The following NRXN3 variants were observed in gnomAD, a reference collection of about 807,000 sequenced individuals.
NRXN3 encodes the protein neurexin 3, also known as neurexin III.
A neutral mutation model predicts 137.6 loss-of-function variants in NRXN3; 32 were observed. The ratio of observed to expected loss-of-function variants is 0.23; its 90% CI spans 0.18 to 0.31. NRXN3 has a LOEUF of 0.31. NRXN3 is among the 10% of genes least tolerant of loss of function. NRXN3 has a pLI of 1.00. For synonymous variants in NRXN3, 798 were observed against 784.5 expected (o/e 1.02, Z -0.29); for missense variants, 1,574 against 2,062.5 (o/e 0.76, Z 4.59).
rs984128107 is a variant in NRXN3 at position 79,548,200 on chromosome 14, C to G, written c.3444+80798C>G. On this transcript the variant is annotated intron_variant, in intron 16 of 20. Transcript: ENST00000335750. ...TATCCCTCCCCTAGCCCTCCACCCA[C>G]CTGACAGGTCTCAGTGTGTGATGTT... is the stretch of plus-strand genomic sequence containing the variant. Among the ~76,000 whole-genome samples, 42 of 152,178 alleles carry G rather than the reference C, an allele frequency of 2.8e-4. 1 individual carries two copies. Among genetic ancestry groups the G allele is most frequent in the South Asian group, 2.1e-4 (1 of 4,812 alleles).
chr14:78,258,483 G>A (rs1163331206), intron 2 of NRXN3, among the ~76,000 whole-genome samples: 1 of 152,106 alleles, frequency 6.6e-6, no homozygotes, highest in Non-Finnish European at 1.5e-5. Flanking sequence ...GGTTGTTGTG[G>A]TGGGAAAGAC....
At chr14:78,854,170 G>A (rs1416490559) in intron 10 of NRXN3, among the ~76,000 whole-genome samples, 2 of 152,092 alleles carry the variant, frequency 1.3e-5, no homozygotes, top group African/African-American at 4.8e-5. Context: ...ATATATCCTT[G>A]GCAGCTGTCA....
chr14:79,803,401 G>A (rs1233139526), intron 19 of NRXN3, among the ~76,000 whole-genome samples: 1 of 152,120 alleles, frequency 6.6e-6, no homozygotes, highest in Non-Finnish European at 1.5e-5. Context: ...AAATCAAGGT[G>A]TCAGCAGAAT....
At chr14:79,852,580 C>T (rs1330274016) in intron 20 of NRXN3, among the ~76,000 whole-genome samples, 1 of 151,968 alleles carries the variant, frequency 6.6e-6, no homozygotes, top group Non-Finnish European at 1.5e-5. Flanking sequence ...CCAGACTGCA[C>T]GCCCTTTTTA....
rs1446113701 is a variant in NRXN3, at chr14:78,521,240, A to G, written c.758-123880A>G. The stretch of plus-strand genomic sequence containing the variant: ...CTCTTTCTGGTATTCAGTCCTGTAT[A>G]TATTAAAAGCATAAGCCAATTAGAA... On this transcript the variant is annotated intron_variant, in intron 4 of 20. Coordinates refer to ENST00000335750, the MANE Select transcript of NRXN3 (RefSeq NM_001330195.2). 2.6e-5 allele frequency among the ~76,000 whole-genome samples: 4 copies of G among 152,276 alleles called. No individual in the cohort carries two copies. In the East Asian group the frequency reaches 7.7e-4, roughly 29 times the overall value.
At chr14:78,645,737 T>C (rs577613965) in intron 5 of NRXN3, among the ~76,000 whole-genome samples, 9 of 152,348 alleles carry the variant, frequency 5.9e-5, no homozygotes, top group East Asian at 1.9e-4. Context: ...TAATTACATT[T>C]GAATCTTATC....
intron 4 of NRXN3, among the ~76,000 whole-genome samples, chr14:78,501,198 G>A (rs1301880285): frequency 1.3e-5 from 2 of 152,154 alleles, no homozygotes; most frequent in African/African-American, 4.8e-5. Flanking sequence ...GAGGAACTCA[G>A]GCATACCCTT....
At chr14:79,696,235 C>T (rs183765363) in intron 18 of NRXN3, among the ~76,000 whole-genome samples, 5 of 151,852 alleles carry the variant, frequency 3.3e-5, no homozygotes, top group South Asian at 2.1e-4. Context: ...AAAGCCCAAA[C>T]GTGACAATAT....
chr14:79,229,664 G>A (rs2071751880), intron 15 of NRXN3, among the ~76,000 whole-genome samples: 1 of 152,128 alleles, frequency 6.6e-6, no homozygotes, highest in African/African-American at 2.4e-5. Flanking sequence ...AAGGTGTCAG[G>A]AAGATGAATT....
At chr14:79,283,196 C>T (rs916304745) in intron 15 of NRXN3, among the ~76,000 whole-genome samples, 1 of 152,156 alleles carries the variant, frequency 6.6e-6, no homozygotes, top group Non-Finnish European at 1.5e-5. Flanking sequence ...AATCTTATTC[C>T]AGAGTTAAAG....
At chr14:79,703,105 A>C (rs1162720262) in intron 19 of NRXN3, among the ~76,000 whole-genome samples, 3 of 152,104 alleles carry the variant, frequency 2.0e-5, no homozygotes, top group African/African-American at 7.2e-5. Flanking sequence ...CATGGATTGG[A>C]ACTATCCTTA....
intron 16 of NRXN3, among the ~76,000 whole-genome samples, chr14:79,635,929 A>C (rs1298451813): frequency 6.6e-6 from 1 of 152,108 alleles, no homozygotes; most frequent in Non-Finnish European, 1.5e-5. Flanking sequence ...ATGAGAACTC[A>C]CTATCATGAG....
intron 11 of NRXN3, among the ~76,000 whole-genome samples, chr14:78,960,501 C>G (rs2099406013): frequency 1.3e-5 from 2 of 152,120 alleles, no homozygotes; most frequent in East Asian, 3.9e-4. Flanking sequence ...AAATCAAAAG[C>G]AAGGATAGAA....
At chr14:79,564,779 G>A (rs1344580630) in intron 16 of NRXN3, among the ~76,000 whole-genome samples, 1 of 152,084 alleles carries the variant, frequency 6.6e-6, no homozygotes, top group East Asian at 1.9e-4. Flanking sequence ...GTTGAGTTGT[G>A]TTCATGGGGA....
chr14:78,364,180 G>A, intron 4 of NRXN3, among the ~76,000 whole-genome samples: 1 of 152,210 alleles, frequency 6.6e-6, no homozygotes, highest in African/African-American at 2.4e-5. Context: ...ATCAAAGAGA[G>A]CTTCACTAAT....
At chr14:79,740,511 T>C (rs2098957340) in intron 19 of NRXN3, among the ~76,000 whole-genome samples, 1 of 151,560 alleles carries the variant, frequency 6.6e-6, no homozygotes. Context: ...TTTGTCTCAA[T>C]GAATGTGCCT....
intron 15 of NRXN3, among the ~76,000 whole-genome samples, chr14:79,232,287 C>T (rs894104585): frequency 2.6e-5 from 4 of 151,724 alleles, no homozygotes; most frequent in African/African-American, 7.3e-5. Flanking sequence ...TGTGTGTGTG[C>T]GTGCTCCAAG....
chr14:78,530,794 G>C (rs768191056), intron 4 of NRXN3, among the ~76,000 whole-genome samples: 2 of 152,204 alleles, frequency 1.3e-5, no homozygotes, highest in Non-Finnish European at 2.9e-5. Flanking sequence ...ACTGTATTTG[G>C]CTGTAAAATT....
intron 2 of NRXN3, among the ~76,000 whole-genome samples, chr14:78,275,257 G>A (rs1303977561): frequency 6.6e-5 from 10 of 152,082 alleles, no homozygotes; most frequent in Admixed American, 6.5e-4. Flanking sequence ...CAAGAGTATT[G>A]TCTGTTTCAT....
Sources: allele counts gnomAD v4.1 joint callset (sites outside exome capture counted in the v4.1 genomes callset), GRCh38; gene constraint gnomAD v4.1.1; transcripts MANE v1.5; gene names NCBI Gene and HGNC (gene_info 2026-07-23, HGNC 2026-07-21).